VWCE: variants seen among roughly 807,000 people sequenced by gnomAD.
The protein encoded by VWCE is von Willebrand factor C and EGF domain-containing protein.
In VWCE, 68 loss-of-function variants were observed where a neutral mutation model predicts 102.9. The ratio of observed to expected loss-of-function variants is 0.66; its 90% CI spans 0.54 to 0.81. The LOEUF is 0.81. VWCE is among the 30% of genes least tolerant of loss of function. The pLI is 0.00. For missense variants in VWCE, 1,137 were observed against 1,263.6 expected, an observed-to-expected ratio of 0.90 and a Z score of 1.52; for synonymous variants, 497 against 515.4, an observed-to-expected ratio of 0.96 and a Z score of 0.48.
At chr11:61,270,840 TTTTTTG>T (rs1279279119) in intron 14 of VWCE, among the ~76,000 whole-genome samples, 68 of 151,880 alleles carry the variant, frequency 4.5e-4, no homozygotes, top group African/African-American at 1.6e-3. Context: ...TTTTTTTTTT[TTTTTTG>T]AAACAGGATC....
intron 14 of VWCE, 46 bp from the exon 15 acceptor site, chr11:61,269,064 C>A (rs189586769): frequency 4.5e-6 from 7 of 1,559,800 alleles, no homozygotes; most frequent in South Asian, 1.1e-5. Flanking sequence ...GTGACACCGG[C>A]CCCTGCCTCC....
At chr11:61,287,395 A>C (rs1179527719) in intron 4 of VWCE, among the ~76,000 whole-genome samples, 1 of 152,250 alleles carries the variant, frequency 6.6e-6, no homozygotes, top group African/African-American at 2.4e-5. Context: ...CCTGGCCCTC[A>C]GGGCAACCCC....
At chr11:61,279,416 A>T (rs979933353) in intron 9 of VWCE, among the ~76,000 whole-genome samples, 1 of 152,090 alleles carries the variant, frequency 6.6e-6, no homozygotes, top group South Asian at 2.1e-4. Context: ...ATAAAAAAAA[A>T]GTACAAAAAT....
At chr11:61,281,678 G>T in intron 7 of VWCE, 108 bp downstream of exon 7, 1 of 1,398,342 alleles carries the variant, frequency 7.2e-7, no homozygotes. Flanking sequence ...GGCGTGGCTG[G>T]GCGCCGGGAG....
At chr11:61,264,676 GA>G (rs1854458848) in intron 18 of VWCE, 99 bp from the exon 19 acceptor site, 1 of 1,310,172 alleles carries the variant, frequency 7.6e-7, no homozygotes, top group African/African-American at 1.5e-5. Flanking sequence ...AGGACCCACG[GA>G]AAGATCCCAG....
intron 16 of VWCE, among the ~76,000 whole-genome samples, chr11:61,267,256 G>C (rs896228177): frequency 1.3e-5 from 2 of 149,654 alleles, no homozygotes; most frequent in Non-Finnish European, 3.0e-5. Context: ...ACAGAACAAG[G>C]CTCCATCTCA....
intron 5 of VWCE, 68 bp downstream of exon 5, chr11:61,286,246 G>T: frequency 6.9e-7 from 1 of 1,458,948 alleles, no homozygotes; most frequent in Non-Finnish European, 9.5e-7. Context: ...GGGCATGGCA[G>T]GGCTGAGTGT....
chr11:61,280,754 C>T (rs756761560), intron 8 of VWCE, 37 bp from the exon 9 acceptor site: 58 of 1,613,176 alleles, frequency 3.6e-5, no homozygotes, highest in Non-Finnish European at 4.5e-5. Flanking sequence ...CACCACAAGG[C>T]CCCAGACCAA....
intron 4 of VWCE, among the ~76,000 whole-genome samples, chr11:61,288,073 G>A (rs1347238730): frequency 2.7e-5 from 4 of 147,686 alleles, no homozygotes; most frequent in East Asian, 2.0e-4. Flanking sequence ...CATAAGAATC[G>A]CTGAACCAGG....
At chr11:61,274,683 C>T in intron 11 of VWCE, 99 bp from the exon 12 acceptor site, 2 of 986,988 alleles carry the variant, frequency 2.0e-6, no homozygotes, top group Non-Finnish European at 3.1e-6. Context: ...GCACTTAACA[C>T]ACACCCACAA....
At chr11:61,293,729 G>C (rs1855586340) in intron 1 of VWCE, among the ~76,000 whole-genome samples, 1 of 152,226 alleles carries the variant, frequency 6.6e-6, no homozygotes, top group African/African-American at 2.4e-5. Context: ...GGGGACATGG[G>C]ACAAGGCAAA....
intron 16 of VWCE, among the ~76,000 whole-genome samples, chr11:61,267,205 C>A (rs945130359): frequency 2.0e-5 from 3 of 152,158 alleles, no homozygotes; most frequent in Non-Finnish European, 4.4e-5. Context: ...TTGCAGTGAG[C>A]CAAGATCACA....
chr11:61,277,194 T>C (rs984922285), intron 10 of VWCE, among the ~76,000 whole-genome samples: 6 of 150,444 alleles, frequency 4.0e-5, no homozygotes, highest in Non-Finnish European at 7.4e-5. Context: ...GGGAGGGAAC[T>C]TGACTGCTGT....
chr11:61,281,724 T>C (rs1377636605), intron 7 of VWCE, 62 bp downstream of exon 7: 19 of 1,520,568 alleles, frequency 1.2e-5, no homozygotes, highest in Admixed American at 5.7e-5. Flanking sequence ...TGGGGGGGCG[T>C]AGCTGGGGCA....
At chr11:61,272,906 CA>C (rs1237674387) in intron 13 of VWCE, among the ~76,000 whole-genome samples, 1 of 151,630 alleles carries the variant, frequency 6.6e-6, no homozygotes, top group Non-Finnish European at 1.5e-5. Flanking sequence ...ACATACTACA[CA>C]AAACACAGAC....
intron 19 of VWCE, among the ~76,000 whole-genome samples, chr11:61,264,272 G>A (rs1038653447): frequency 1.3e-5 from 2 of 150,652 alleles, no homozygotes; most frequent in Non-Finnish European, 1.5e-5. Flanking sequence ...AAGAAAAAGG[G>A]AGTGCAAATA....
At position 61,294,948 on chromosome 11, in the gene VWCE, G is replaced by A. The variant is rs1167488834; in HGVS notation, c.90C>T (p.Pro30=). ...CTTACCTCTCGGCCGCGAAGTGCCCGGGCGGCTTCCTCCCGGTGTAGCCTC... is the reference window on the plus strand; with the variant it reads ...CTTACCTCTCGGCCGCGAAGTGCCCAGGCGGCTTCCTCCCGGTGTAGCCTC... ...PARGYTGRKP[P]GHFAAERRRL... The change falls in exon 1 of 20, where the codon CCC becomes CCT. Residue 30 remains proline (P), a synonymous_variant. Coordinates refer to ENST00000335613, the MANE Select transcript of VWCE (RefSeq NM_152718.2). The surrounding 1 kb of genome is among the most constrained non-coding windows in gnomAD (Gnocchi z 6.3). The A allele has an allele frequency of 1.4e-6, 2 of 1,453,220 alleles. No individual in the cohort carries two copies. Among genetic ancestry groups the A allele is most frequent in the South Asian group, 2.6e-5 (2 of 75,724 alleles). 90.0% of individuals were successfully genotyped at this position (1,453,220 alleles called of 1,614,324 possible).
intron 15 of VWCE, among the ~76,000 whole-genome samples, chr11:61,268,080 A>G (rs1854565154): frequency 6.6e-6 from 1 of 151,178 alleles, no homozygotes; most frequent in South Asian, 2.1e-4. Context: ...CTTTAAAAAA[A>G]TAAAATAAAA....
At position 61,258,739 on chromosome 11, in the gene VWCE, G is replaced by T; in HGVS notation, c.2804C>A (p.Thr935Asn). ...TSRLSTALAA[T>N]THPGPQQPPV... is the part of the protein sequence containing the mutation. The stretch of plus-strand genomic sequence containing the variant: ...GGGCTGCTGGGGGCCAGGGTGGGTG[G>T]TGGCTGCAAGGGCTGTGGAGAGTCT... Residue 935 changes from threonine to asparagine, a missense_variant, in exon 20 of 20, where the codon ACC (threonine) becomes AAC (asparagine). Transcript: ENST00000335613. The T allele has an allele frequency of 2.9e-6, 4 of 1,395,038 alleles. No individual in the cohort carries two copies. Among genetic ancestry groups the T allele is most frequent in the Non-Finnish European group, 3.7e-6 (4 of 1,070,774 alleles). 86.4% of individuals were successfully genotyped at this position (1,395,038 alleles called of 1,614,324 possible).
Sources: gnomAD v4.1 joint callset for allele counts (sites outside exome capture counted in the v4.1 genomes callset) on GRCh38, gnomAD v4.1.1 for gene constraint, Gnocchi (gnomAD v3.1) non-coding constraint, MANE v1.5 for transcripts, NCBI Gene and HGNC (gene_info 2026-07-23, HGNC 2026-07-21) for gene names.